Variants in NXPH1 observed in about 807,000 individuals in gnomAD.
NXPH1 encodes the protein neurexophilin-1.
In NXPH1, 5 loss-of-function variants were observed where a neutral mutation model predicts 23.7. That is an observed-to-expected ratio of 0.21 (90% CI 0.11 to 0.44). The LOEUF (loss-of-function observed/expected upper bound fraction) is 0.44. NXPH1 is among the 20% of genes least tolerant of loss of function. The pLI, the probability that NXPH1 is intolerant of heterozygous loss-of-function variation, is 0.99. For missense variants in NXPH1, 324 were observed against 321.6 expected (o/e 1.01, Z -0.06); for synonymous variants, 144 against 122.2 (o/e 1.18, Z -1.18).
At chr7:8,517,828 A>G (rs749724373) in intron 2 of NXPH1, among the ~76,000 whole-genome samples, 12 of 152,120 alleles carry the variant, frequency 7.9e-5, no homozygotes, top group Non-Finnish European at 1.6e-4. Context: ...ACTGGGAGAG[A>G]GCTAGGGAGA....
chr7:8,435,406 G>T lies in NXPH1; in HGVS notation c.-110-198G>T. ...GAGCCCCTCACCCTCCCTCTCGTCCGCCCGCCCGCCTCCCCAGCTGCGGAC... is the reference window on the plus strand; with the variant it reads ...GAGCCCCTCACCCTCCCTCTCGTCCTCCCGCCCGCCTCCCCAGCTGCGGAC... On this transcript the variant is annotated intron_variant, in intron 1 of 2. Coordinates refer to ENST00000405863, the MANE Select transcript of NXPH1 (RefSeq NM_152745.3). The surrounding 1 kb of genome is among the most constrained non-coding windows in gnomAD (Gnocchi z 5.9). 1 of 466,952 alleles carries T rather than the reference G, an allele frequency of 2.1e-6. No homozygotes were observed. The highest frequency in any genetic ancestry group is 2.4e-5 in the South Asian group (1 of 42,386). The allele number at this position is 466,952 out of a possible 1,614,324, so 28.9% of individuals were successfully genotyped here. A position where few individuals can be genotyped will look rare whatever the true frequency, so the allele number is the denominator to read the frequency against.
chr7:8,501,700 G>T (rs1046486781), intron 2 of NXPH1, among the ~76,000 whole-genome samples: 6 of 152,040 alleles, frequency 3.9e-5, no homozygotes, highest in Non-Finnish European at 2.9e-5. Context: ...CAAGGAGCAA[G>T]TACACCAATT....
At chr7:8,693,290 C>T (rs910090652) in intron 2 of NXPH1, among the ~76,000 whole-genome samples, 3 of 152,320 alleles carry the variant, frequency 2.0e-5, no homozygotes, top group African/African-American at 7.2e-5. Context: ...TTTGAATCCA[C>T]ATTCCAAGTT....
At chr7:8,631,784 T>C (rs1562436160) in intron 2 of NXPH1, among the ~76,000 whole-genome samples, 2 of 152,194 alleles carry the variant, frequency 1.3e-5, no homozygotes, top group African/African-American at 2.4e-5. Flanking sequence ...TTTAATTCTA[T>C]TCTATTCTTT....
intron 2 of NXPH1, among the ~76,000 whole-genome samples, chr7:8,583,246 A>G (rs1437959981): frequency 6.6e-6 from 1 of 152,240 alleles, no homozygotes; most frequent in African/African-American, 2.4e-5. Context: ...GAGATCTGGC[A>G]TTTCCCAACC....
chr7:8,745,655 C>G (rs1407383261), intron 2 of NXPH1, among the ~76,000 whole-genome samples: 1 of 151,488 alleles, frequency 6.6e-6, no homozygotes, highest in Admixed American at 6.6e-5. Context: ...CTGATTCAAG[C>G]AATTCTCCTG....
At chr7:8,706,476 TACTTGAGTG>T (rs1359286418) in intron 2 of NXPH1, among the ~76,000 whole-genome samples, 1 of 152,188 alleles carries the variant, frequency 6.6e-6, no homozygotes, top group Non-Finnish European at 1.5e-5. Flanking sequence ...TCGATTGAGG[TACTTGAGTG>T]ATCCGTTTGA....
chr7:8,494,202 A>G (rs1339003630), intron 2 of NXPH1, among the ~76,000 whole-genome samples: 3 of 150,664 alleles, frequency 2.0e-5, no homozygotes, highest in Non-Finnish European at 3.0e-5. Flanking sequence ...GTGATTTTTC[A>G]TAGGAGAATG....
intron 2 of NXPH1, among the ~76,000 whole-genome samples, chr7:8,742,854 T>C (rs1780390432): frequency 6.6e-6 from 1 of 152,158 alleles, no homozygotes; most frequent in Non-Finnish European, 1.5e-5. Context: ...TGTGGAATAG[T>C]GAGAAGTAGC....
intron 2 of NXPH1, among the ~76,000 whole-genome samples, chr7:8,505,159 T>C (rs1817501653): frequency 6.6e-6 from 1 of 152,060 alleles, no homozygotes; most frequent in African/African-American, 2.4e-5. Flanking sequence ...GTTTTCCTCA[T>C]ATTAAGTGAA....
chr7:8,667,520 C>T (rs1313135238), intron 2 of NXPH1, among the ~76,000 whole-genome samples: 1 of 151,470 alleles, frequency 6.6e-6, no homozygotes, highest in Non-Finnish European at 1.5e-5. Flanking sequence ...TATCTATTGG[C>T]CTTTAATGAA....
intron 2 of NXPH1, among the ~76,000 whole-genome samples, chr7:8,595,837 C>T (rs778198407): frequency 4.1e-4 from 63 of 151,944 alleles, no homozygotes; most frequent in Non-Finnish European, 7.8e-4. Context: ...CCTTTACCAT[C>T]GCTTTTAGTG....
intron 2 of NXPH1, among the ~76,000 whole-genome samples, chr7:8,709,132 G>C (rs978009259): frequency 7.9e-5 from 12 of 152,184 alleles, no homozygotes; most frequent in Admixed American, 7.2e-4. Context: ...CTCCAAATAA[G>C]AGTATTTGTT....
chr7:8,517,656 G>A (rs530451073), intron 2 of NXPH1, among the ~76,000 whole-genome samples: 3 of 152,268 alleles, frequency 2.0e-5, no homozygotes, highest in South Asian at 4.1e-4. Flanking sequence ...CCTCCCAGAA[G>A]AGATCTCTCC....
intron 2 of NXPH1, among the ~76,000 whole-genome samples, chr7:8,725,215 C>T (rs993575225): frequency 5.9e-5 from 9 of 152,252 alleles, no homozygotes; most frequent in East Asian, 3.9e-4. Context: ...GTAGGACAGG[C>T]GCTGTGACTC....
chr7:8,632,607 A>G (rs537658141), intron 2 of NXPH1, among the ~76,000 whole-genome samples: 2 of 152,268 alleles, frequency 1.3e-5, no homozygotes, highest in South Asian at 4.1e-4. Flanking sequence ...ATCTGTTCTT[A>G]TCGCCTTATG....
chr7:8,656,480 G>A (rs150231068), intron 2 of NXPH1, among the ~76,000 whole-genome samples: 6 of 150,776 alleles, frequency 4.0e-5, no homozygotes, highest in Admixed American at 6.6e-5. Context: ...TACTAAAATC[G>A]GATAACTCAC....
At chr7:8,614,831 T>C (rs1819700950) in intron 2 of NXPH1, among the ~76,000 whole-genome samples, 1 of 152,098 alleles carries the variant, frequency 6.6e-6, no homozygotes, top group African/African-American at 2.4e-5. Flanking sequence ...GAGAGATTCA[T>C]TTTGTGGCAG....
At chr7:8,584,900 G>T (rs1310225971) in intron 2 of NXPH1, among the ~76,000 whole-genome samples, 1 of 152,010 alleles carries the variant, frequency 6.6e-6, no homozygotes, top group Non-Finnish European at 1.5e-5. Flanking sequence ...GTCTCATTTA[G>T]ACTGCTTAGA....
Sources: gnomAD v4.1 joint callset for allele counts (sites outside exome capture counted in the v4.1 genomes callset) on GRCh38, gnomAD v4.1.1 for gene constraint, Gnocchi (gnomAD v3.1) non-coding constraint, MANE v1.5 for transcripts, NCBI Gene and HGNC (gene_info 2026-07-23, HGNC 2026-07-21) for gene names.